The following ANO3 variants were observed in gnomAD, a reference collection of about 807,000 sequenced individuals.
ANO3 encodes anoctamin 3, also known as anoctamin-3.
A neutral mutation model predicts 144.8 loss-of-function variants in ANO3; 99 were observed. The ratio of observed to expected loss-of-function variants is 0.68; its 90% CI spans 0.58 to 0.81. The LOEUF (loss-of-function observed/expected upper bound fraction) is 0.81, where lower values mean the gene tolerates loss of function less well. Ranked by LOEUF, ANO3 falls within the 30% of genes least tolerant of loss-of-function variation. ANO3 has a pLI of 0.00. For synonymous variants in ANO3, 414 were observed against 392.6 expected, an observed-to-expected ratio of 1.05 and a Z score of -0.64; for missense variants, 905 against 1,202.2, an observed-to-expected ratio of 0.75 and a Z score of 3.66.
At chr11:26,194,459 T>TGTGTGTGTGG (rs1851543224) in intron 1 of ANO3, among the ~76,000 whole-genome samples, 3 of 150,558 alleles carry the variant, frequency 2.0e-5, no homozygotes, top group Non-Finnish European at 4.4e-5. Flanking sequence ...TGTGTGTGTG[T>TGTGTGTGTGG]GTGTGTGTGT....
intron 1 of ANO3, among the ~76,000 whole-genome samples, chr11:26,233,422 C>A (rs917165740): frequency 1.2e-4 from 18 of 152,070 alleles, no homozygotes; most frequent in Non-Finnish European, 2.6e-4. Flanking sequence ...GGATGGCTAT[C>A]TTTAAAAAGT....
At chr11:26,618,015 T>C (rs1852309977) in intron 17 of ANO3, among the ~76,000 whole-genome samples, 1 of 152,184 alleles carries the variant, frequency 6.6e-6, no homozygotes, top group African/African-American at 2.4e-5. Flanking sequence ...TGTTATGCTA[T>C]TTTCAGACCA....
rs72879885 is a variant in ANO3, at chr11:26,636,576, C to G, written c.2043+1506C>G. Among the ~76,000 whole-genome samples the G allele has an allele frequency of 4.2e-3, 644 of 152,206 alleles. 3 individuals are homozygous for G. Among genetic ancestry groups the G allele is most frequent in the Middle Eastern group, 0.01 (3 of 294 alleles). ...TATATCCATTTTACAGATCAGGAAA[C>G]AAAGTCACAGATGTGCAGTGCCTGC... On this transcript the variant is annotated intron_variant, in intron 20 of 26. Coordinates refer to ENST00000256737, the MANE Select transcript of ANO3 (RefSeq NM_031418.4).
At chr11:26,496,936 C>A (rs1169926935) in intron 4 of ANO3, among the ~76,000 whole-genome samples, 1 of 148,242 alleles carries the variant, frequency 6.7e-6, no homozygotes, top group Non-Finnish European at 1.5e-5. Context: ...TCAACCTAAG[C>A]ATTCATCACA....
At chr11:26,252,803 T>C (rs948753808) in intron 1 of ANO3, among the ~76,000 whole-genome samples, 2 of 152,212 alleles carry the variant, frequency 1.3e-5, no homozygotes, top group Admixed American at 1.3e-4. Context: ...TTTCTCATTT[T>C]ATGCTATGTC....
intron 1 of ANO3, among the ~76,000 whole-genome samples, chr11:26,338,115 TAAA>T (rs5790570): frequency 2.4e-4 from 35 of 145,130 alleles, no homozygotes; most frequent in African/African-American, 8.6e-4. Context: ...GAATGATAAT[TAAA>T]AAAAAAAAAA....
intron 17 of ANO3, among the ~76,000 whole-genome samples, chr11:26,603,706 A>G (rs1029613687): frequency 1.3e-5 from 2 of 152,154 alleles, no homozygotes; most frequent in African/African-American, 2.4e-5. Flanking sequence ...AGAAATTACA[A>G]TCAAATATTA....
At chr11:26,633,117 C>A in intron 18 of ANO3, among the ~76,000 whole-genome samples, 1 of 152,114 alleles carries the variant, frequency 6.6e-6, no homozygotes. Context: ...GTATGTTTTC[C>A]TTAAATGAGA....
chr11:26,189,338 A>G (rs886563188), intron 1 of ANO3: 3 of 984,886 alleles, frequency 3.0e-6, no homozygotes, highest in Non-Finnish European at 3.6e-6. Context: ...CTGGTAAGCT[A>G]ACCTTTAGAT....
intron 14 of ANO3, among the ~76,000 whole-genome samples, chr11:26,591,937 G>C: frequency 6.6e-6 from 1 of 152,168 alleles, no homozygotes; most frequent in Non-Finnish European, 1.5e-5. Context: ...AAATGACTGG[G>C]TAGGGTCCTT....
At chr11:26,291,965 G>A (rs1853968859) in intron 1 of ANO3, among the ~76,000 whole-genome samples, 1 of 152,112 alleles carries the variant, frequency 6.6e-6, no homozygotes, top group African/African-American at 2.4e-5. Flanking sequence ...TGCCTTGCTA[G>A]GTTGGGGAAG....
intron 18 of ANO3, among the ~76,000 whole-genome samples, chr11:26,627,575 T>C (rs1479953541): frequency 6.6e-6 from 1 of 152,080 alleles, no homozygotes; most frequent in Non-Finnish European, 1.5e-5. Flanking sequence ...AAGTACCCTA[T>C]ACCCAGGATT....
intron 3 of ANO3, among the ~76,000 whole-genome samples, chr11:26,453,064 G>T (rs888420540): frequency 4.0e-5 from 6 of 151,872 alleles, no homozygotes; most frequent in Non-Finnish European, 8.8e-5. Flanking sequence ...TGCCCTAAAA[G>T]AGCTCCTGAA....
At chr11:26,311,704 T>C (rs1285837005) in intron 1 of ANO3, among the ~76,000 whole-genome samples, 1 of 152,176 alleles carries the variant, frequency 6.6e-6, no homozygotes, top group Non-Finnish European at 1.5e-5. Flanking sequence ...CTGTGTACAG[T>C]AGAGCACCAA....
Position 26,516,833 on chromosome 11 carries a change from A to G in ANO3, c.598A>G (p.Ile200Val), listed in dbSNP as rs1590446413. The G allele has an allele frequency of 1.2e-6, 2 of 1,609,262 alleles. No homozygotes were observed. The highest frequency in any genetic ancestry group is 1.3e-5 in the African/African-American group (1 of 74,848). Residue 200 changes from isoleucine to valine, a missense_variant, in exon 6 of 27, where the codon ATT becomes GTT. By Grantham distance (29) the Ile-to-Val change is conservative (BLOSUM62 3). This residue lies in a region of ANO3 where 63 missense variants were observed against 107.3 expected (regional missense o/e 0.59). Coordinates refer to ENST00000256737, the MANE Select transcript of ANO3 (RefSeq NM_031418.4). ...ATCTTACTATCATTTGCAGCCAGCT[A>G]TTGCAAGCCCCGATATCATGTTTAT... ...EGLMLEKEPA[I>V]ASPDIMFIKI...
chr11:26,384,824 A>G (rs7119047), intron 1 of ANO3, among the ~76,000 whole-genome samples: 59,093 of 151,846 alleles, frequency 0.39, 11,859 homozygotes, highest in African/African-American at 0.49. Flanking sequence ...CAAAAGTACC[A>G]TAACTGGTAA....
chr11:26,621,666 C>T (rs1852419728), intron 17 of ANO3, among the ~76,000 whole-genome samples: 1 of 152,104 alleles, frequency 6.6e-6, no homozygotes, highest in Non-Finnish European at 1.5e-5. Flanking sequence ...TATCTCTACC[C>T]ACTGAAATTT....
At chr11:26,362,256 T>G (rs1239484168) in intron 1 of ANO3, among the ~76,000 whole-genome samples, 3 of 152,182 alleles carry the variant, frequency 2.0e-5, no homozygotes, top group Non-Finnish European at 4.4e-5. Context: ...AATAAAAACT[T>G]TATGTGTCTA....
In ANO3 at chr11:26,332,146, G is replaced by T; in HGVS notation, c.-130G>T. 6.4e-7 allele frequency: 1 copy of T among 1,557,732 alleles called. No homozygotes were observed. On this transcript the variant is annotated 5_prime_UTR_variant, in exon 1 of 27. Coordinates refer to ENST00000256737, the MANE Select transcript of ANO3 (RefSeq NM_031418.4). ...GCGTAGCCTGGAGAGCGAAGTGCCG[G>T]CTACAGCAGGTGTCGGATTGCAGTG...
Sources: allele counts gnomAD v4.1 joint callset (sites outside exome capture counted in the v4.1 genomes callset), GRCh38; gene constraint gnomAD v4.1.1; regional missense constraint gnomAD v4.1.1; transcripts MANE v1.5; gene names NCBI Gene and HGNC (gene_info 2026-07-23, HGNC 2026-07-21).